PHF8: variants seen among roughly 807,000 people sequenced by gnomAD.
PHF8 encodes the protein PHD finger protein 8, also known as histone lysine demethylase PHF8.
Under a neutral mutation model 74.4 loss-of-function variants are expected in PHF8, and 9 were observed. The observed-to-expected ratio is 0.12, with a 90% confidence interval of 0.07 to 0.21. The LOEUF (loss-of-function observed/expected upper bound fraction) is 0.21. Among genes scored for constraint, PHF8 ranks in the 10% least tolerant of loss-of-function variants. The pLI, the probability that PHF8 is intolerant of heterozygous loss-of-function variation, is 1.00. For missense variants in PHF8, 478 were observed against 816.6 expected, an observed-to-expected ratio of 0.59 and a Z score of 5.05; for synonymous variants, 311 against 316.6, an observed-to-expected ratio of 0.98 and a Z score of 0.19.
At chrX:53,990,764 C>G (rs1321020289) in intron 14 of PHF8, among the ~76,000 whole-genome samples, 2 of 111,540 alleles carry the variant, frequency 1.8e-5, no homozygotes, top group Non-Finnish European at 3.8e-5. Context: ...CGTTCATACT[C>G]TGCACTTGGC....
intron 19 of PHF8, among the ~76,000 whole-genome samples, chrX:53,953,202 A>G (rs2064955231): frequency 9.8e-6 from 1 of 101,848 alleles, no homozygotes; most frequent in African/African-American, 3.6e-5. Context: ...TGAACCCGGG[A>G]GGTGGAGGTT....
Position 53,948,140 on chromosome X carries a change from G to T in PHF8, c.2540-3897C>A, listed in dbSNP as rs1300151268. On this transcript the variant is annotated intron_variant, in intron 19 of 21. Transcript: ENST00000338154. ...CTCCTTGATTAGACCTGGGTTTTGGGAGGGAAAAAAACCTATAAAAGATAT... is the reference window on the plus strand; with the variant it reads ...CTCCTTGATTAGACCTGGGTTTTGGTAGGGAAAAAAACCTATAAAAGATAT... Among the ~76,000 whole-genome samples, 4 of 111,982 alleles carry T rather than the reference G, an allele frequency of 3.6e-5. No homozygotes were observed. The East Asian group carries it at 1.1e-3, about 31-fold the overall frequency.
At chrX:54,016,547 A>G (rs1421129533) in intron 6 of PHF8, 48 bp downstream of exon 6, 2 of 1,104,451 alleles carry the variant, frequency 1.8e-6, no homozygotes, top group African/African-American at 1.8e-5. Context: ...ATATCACACA[A>G]GTTTCAGGCA....
intron 18 of PHF8, among the ~76,000 whole-genome samples, chrX:53,980,807 G>T (rs2149821560): frequency 8.9e-6 from 1 of 112,622 alleles, no homozygotes; most frequent in East Asian, 2.8e-4. Context: ...AACTGAAGAA[G>T]AAATAAACCA....
chrX:54,039,900 G>A (rs1229859690), intron 2 of PHF8: 1 of 112,109 alleles, frequency 8.9e-6, no homozygotes, highest in Non-Finnish European at 1.9e-5. Flanking sequence ...TTGTAAAATG[G>A]TATTTATAAC....
chrX:54,003,661 C>A (rs781897089), intron 8 of PHF8, among the ~76,000 whole-genome samples: 3 of 111,829 alleles, frequency 2.7e-5, no homozygotes, highest in African/African-American at 6.5e-5. Flanking sequence ...CTGCACCCGG[C>A]CTATATTGTT....
chrX:53,948,622 A>G (rs1557085935), intron 19 of PHF8, among the ~76,000 whole-genome samples: 1 of 112,054 alleles, frequency 8.9e-6, no homozygotes, highest in Non-Finnish European at 1.9e-5. Context: ...ATAGCCAGAT[A>G]GATACAGATA....
rs1010225833 is a variant in PHF8, at chrX:54,044,438, A to G, written c.-769T>C. 4.0e-6 allele frequency: 3 copies of G among 752,330 alleles called. No individual in the cohort carries two copies. Among genetic ancestry groups the G allele is most frequent in the Non-Finnish European group, 4.7e-6 (3 of 637,214 alleles). 62.0% of individuals were successfully genotyped at this position (752,330 alleles called of 1,213,427 possible). ...AGTGGCGGCGCTACCCAGACAACCA[A>G]GGCGACCGCCATCTTATGAGGGCTG... is the stretch of plus-strand genomic sequence containing the variant. On this transcript the variant is annotated 5_prime_UTR_variant, in exon 1 of 22. Coordinates refer to ENST00000338154, the MANE Select transcript of PHF8 (RefSeq NM_015107.3).
At chrX:54,045,113 A>G (rs2066622569), upstream of PHF8, 1 of 384,846 alleles carries the variant, frequency 2.6e-6, no homozygotes, top group Non-Finnish European at 4.5e-6. Context: ...TGCCAACTCC[A>G]CAACTCCCTC....
intron 11 of PHF8, among the ~76,000 whole-genome samples, chrX:53,997,424 C>A (rs1288747845): frequency 9.0e-6 from 1 of 111,362 alleles, no homozygotes; most frequent in Non-Finnish European, 1.9e-5. Context: ...TCTCTTTTTT[C>A]CCTTTAACTC....
chrX:54,013,852 T>C (rs1557107275), intron 7 of PHF8, among the ~76,000 whole-genome samples: 1 of 111,085 alleles, frequency 9.0e-6, no homozygotes, highest in Admixed American at 9.6e-5. Context: ...AAATAAAATC[T>C]TTGTTTTTAC....
At chrX:53,948,400 G>C (rs1265371953) in intron 19 of PHF8, among the ~76,000 whole-genome samples, 1 of 111,089 alleles carries the variant, frequency 9.0e-6, no homozygotes, top group Non-Finnish European at 1.9e-5. Context: ...AGCCTCCCAA[G>C]TAGCTGGGAT....
intron 20 of PHF8, among the ~76,000 whole-genome samples, chrX:53,941,471 T>C (rs782643787): frequency 7.2e-5 from 8 of 111,827 alleles, no homozygotes; most frequent in Non-Finnish European, 1.3e-4. Context: ...ATTTCAACCA[T>C]CCACTGCCCT....
At chrX:53,967,851 CCA>C (rs2065234498) in intron 18 of PHF8, among the ~76,000 whole-genome samples, 1 of 113,313 alleles carries the variant, frequency 8.8e-6, no homozygotes, top group African/African-American at 3.2e-5. Context: ...TGTGCTGTGT[CCA>C]CTCAGGGTTA....
In PHF8 at chrX:53,959,590, G is replaced by A. The variant is rs374876403; in HGVS notation, c.2539+3254C>T. On this transcript the variant is annotated intron_variant, in intron 19 of 21. Coordinates refer to ENST00000338154, the MANE Select transcript of PHF8 (RefSeq NM_015107.3). ...TATCTTACAAAGTAGGTAATCAAGAGAGATTGACGGCCTGTAATCACAGCA... is the reference window on the plus strand; with the variant it reads ...TATCTTACAAAGTAGGTAATCAAGAAAGATTGACGGCCTGTAATCACAGCA... Among the ~76,000 whole-genome samples the A allele has an allele frequency of 2.6e-4, 29 of 110,878 alleles. No homozygotes were observed. In the East Asian group the frequency reaches 4.8e-3, roughly 18 times the overall value.
At chrX:54,033,103 T>A (rs1557113031) in intron 2 of PHF8, among the ~76,000 whole-genome samples, 1 of 111,007 alleles carries the variant, frequency 9.0e-6, no homozygotes, top group Non-Finnish European at 1.9e-5. Flanking sequence ...GAACCTGTAC[T>A]TCCACCCCCA....
Position 53,999,625 on chromosome X carries a change from G to A in PHF8, c.1233+245C>T, listed in dbSNP as rs1285519317. On this transcript the variant is annotated intron_variant, in intron 11 of 21. Transcript: ENST00000338154. ...CCCGCTGAGTGTAAAAATCATAGGT[G>A]ATAATTTTCCTTCTTTATGCTTTTC... 3.3e-5 allele frequency: 12 copies of A among 362,947 alleles called. No individual in the cohort carries two copies. In the East Asian group the frequency reaches 5.9e-4, roughly 18 times the overall value. The allele number at this position is 362,947 out of a possible 1,213,427, so 29.9% of individuals were successfully genotyped here. A position where few individuals can be genotyped will look rare whatever the true frequency, so the allele number is the denominator to read the frequency against.
At chrX:53,940,605 G>C in intron 20 of PHF8, 89 bp from the exon 21 acceptor site, 1 of 654,358 alleles carries the variant, frequency 1.5e-6, no homozygotes, top group Non-Finnish European at 2.4e-6. Context: ...GTCCAATATG[G>C]TTGTGCAACC....
At chrX:53,990,273 TTCATCTACACC>T (rs782805938) in intron 14 of PHF8, among the ~76,000 whole-genome samples, 1 of 111,888 alleles carries the variant, frequency 8.9e-6, no homozygotes, top group South Asian at 3.8e-4. Flanking sequence ...CCAGTCTTGT[TTCATCTACACC>T]TCATTCTCTT....
Sources: gnomAD v4.1 joint callset for allele counts (sites outside exome capture counted in the v4.1 genomes callset) on GRCh38, gnomAD v4.1.1 for gene constraint, MANE v1.5 for transcripts, NCBI Gene and HGNC (gene_info 2026-07-23, HGNC 2026-07-21) for gene names.